Variants in ARID2 observed in about 807,000 individuals in gnomAD.
ARID2 encodes the protein AT-rich interaction domain 2.
A neutral mutation model predicts 184.6 loss-of-function variants in ARID2; 32 were observed. The ratio of observed to expected loss-of-function variants is 0.17; its 90% CI spans 0.13 to 0.23. ARID2 has a LOEUF of 0.23. Ranked by LOEUF, ARID2 falls within the 10% of genes least tolerant of loss-of-function variation. ARID2 has a pLI of 1.00. For synonymous variants in ARID2, 836 were observed against 772.6 expected, an observed-to-expected ratio of 1.08 and a Z score of -1.36; for missense variants, 1,696 against 2,197.6, an observed-to-expected ratio of 0.77 and a Z score of 4.56.
intron 11 of ARID2, among the ~76,000 whole-genome samples, chr12:45,845,159 A>T (rs1247846293): frequency 6.6e-6 from 1 of 152,142 alleles, no homozygotes; most frequent in Non-Finnish European, 1.5e-5. Context: ...TCATGATTTC[A>T]ACGTAATTTC....
intron 20 of ARID2, among the ~76,000 whole-genome samples, chr12:45,900,542 T>C (rs1944444365): frequency 6.6e-6 from 1 of 152,202 alleles, no homozygotes; most frequent in Non-Finnish European, 1.5e-5. Flanking sequence ...TTTAGAATAT[T>C]TTTTTCCTTG....
At chr12:45,771,030 C>T (rs1263213567) in intron 3 of ARID2, among the ~76,000 whole-genome samples, 2 of 151,978 alleles carry the variant, frequency 1.3e-5, no homozygotes, top group African/African-American at 4.8e-5. Flanking sequence ...TGAAAGCCGG[C>T]GATCCCACAT....
intron 16 of ARID2, among the ~76,000 whole-genome samples, chr12:45,863,442 T>TG: frequency 6.6e-6 from 1 of 152,306 alleles, no homozygotes; most frequent in East Asian, 1.9e-4. Flanking sequence ...AACTTTATGC[T>TG]GGGCATGGTG....
intron 8 of ARID2, 65 bp downstream of exon 8, chr12:45,837,056 G>C (rs557161015): frequency 1.3e-6 from 2 of 1,544,256 alleles, no homozygotes; most frequent in African/African-American, 2.8e-5. Context: ...ACAATTTTAG[G>C]ATGTGGCATT....
chr12:45,789,884 A>AGATG (rs1942263933), intron 3 of ARID2, among the ~76,000 whole-genome samples: 1 of 152,186 alleles, frequency 6.6e-6, no homozygotes, highest in Admixed American at 6.5e-5. Context: ...TTGGATGCCG[A>AGATG]GATGGGAGGG....
intron 6 of ARID2, among the ~76,000 whole-genome samples, chr12:45,823,318 G>T (rs890604392): frequency 6.6e-6 from 1 of 152,014 alleles, no homozygotes; most frequent in East Asian, 1.9e-4. Context: ...TAAGAGGGAA[G>T]CTTATAGCAA....
chr12:45,823,040 A>T (rs1942927932), intron 6 of ARID2, among the ~76,000 whole-genome samples: 1 of 152,124 alleles, frequency 6.6e-6, no homozygotes, highest in East Asian at 1.9e-4. Flanking sequence ...AGCACATGGA[A>T]CAGTCTCTGG....
rs543860391 is a variant in ARID2 at position 45,887,249 on chromosome 12, A to AAT, written c.4923-4520_4923-4519dup. On this transcript the variant is annotated intron_variant, in intron 16 of 20. Transcript: ENST00000334344. ...AATTATAGTGATGATGTAACTGAAA[A>AAT]ATATATATATATTTTAAATCGCCAG... 4.5e-3 allele frequency among the ~76,000 whole-genome samples: 687 copies of AAT among 152,212 alleles called. 2 individuals are homozygous for AAT. Among genetic ancestry groups the AAT allele is most frequent in the African/African-American group, 0.015 (643 of 41,528 alleles).
At chr12:45,884,907 C>T (rs937489123) in intron 16 of ARID2, among the ~76,000 whole-genome samples, 25 of 152,130 alleles carry the variant, frequency 1.6e-4, no homozygotes, top group African/African-American at 4.1e-4. Context: ...TCTGGATTGA[C>T]GGTAGCACAG....
intron 4 of ARID2, among the ~76,000 whole-genome samples, chr12:45,815,617 G>A (rs1942790969): frequency 1.3e-5 from 2 of 152,072 alleles, no homozygotes; most frequent in South Asian, 2.1e-4. Context: ...GTGTGTGTGT[G>A]TGTGTTTTTA....
intron 10 of ARID2, among the ~76,000 whole-genome samples, chr12:45,838,778 T>G (rs1232196154): frequency 1.3e-5 from 2 of 150,876 alleles, no homozygotes; most frequent in African/African-American, 4.9e-5. Context: ...AAAAAATATA[T>G]AGATAGATAG....
chr12:45,907,298 G>A lies in ARID2; in HGVS notation c.*2220G>A, dbSNP rs15852. On this transcript the variant is annotated 3_prime_UTR_variant, in exon 21 of 21. Coordinates refer to ENST00000334344, the MANE Select transcript of ARID2 (RefSeq NM_152641.4). ...TTAAAAAGTAAATTTGTGCAACAACGTTTATTTGAAAGATAATGTCTTCTC... is the reference window on the plus strand; with the variant it reads ...TTAAAAAGTAAATTTGTGCAACAACATTTATTTGAAAGATAATGTCTTCTC... The A allele has an allele frequency of 0.069, 16,102 of 232,718 alleles. 2,500 individuals are homozygous for A. The highest frequency in any genetic ancestry group is 0.32 in the African/African-American group (14,699 of 45,362). The allele number at this position is 232,718 out of a possible 1,614,324, so 14.4% of individuals were successfully genotyped here.
intron 16 of ARID2, among the ~76,000 whole-genome samples, chr12:45,868,019 T>C (rs551822691): frequency 1.3e-5 from 2 of 152,248 alleles, no homozygotes; most frequent in Non-Finnish European, 2.9e-5. Context: ...AGCTCCTGTT[T>C]TAATTTTTAT....
intron 3 of ARID2, among the ~76,000 whole-genome samples, chr12:45,741,368 T>G (rs1565578682): frequency 6.6e-6 from 1 of 152,094 alleles, no homozygotes; most frequent in Non-Finnish European, 1.5e-5. Context: ...CAGCTAGTTT[T>G]TTGTAGTTTT....
intron 12 of ARID2, among the ~76,000 whole-genome samples, chr12:45,847,623 C>T (rs1188338373): frequency 6.6e-6 from 1 of 152,038 alleles, no homozygotes. Context: ...AATCACTTTC[C>T]AATGATATAT....
rs777408532 is a variant in ARID2 at position 45,850,838 on chromosome 12, A to C, written c.2715A>C (p.Gln905His). The change falls in exon 15 of 21, where the codon CAA becomes CAC. Residue 905 changes from glutamine to histidine, a missense_variant. Physicochemically the swap from Gln to His is conservative, Grantham distance 24. Around this residue, in one of 11 missense-constraint regions of ARID2, gnomAD observed 713 missense variants for 824.4 expected, o/e 0.86. Transcript: ENST00000334344. Reference protein sequence around the residue: ...NIAPKPLPSQQVSSTVVQQPI... With the variant: ...NIAPKPLPSQHVSSTVVQQPI... The stretch of plus-strand genomic sequence containing the variant: ...CACCAAAACCTCTCCCTTCTCAGCA[A>C]GTTTCATCTACAGTGGTACAGCAGC... 8 of 1,614,020 alleles carry C rather than the reference A, an allele frequency of 5.0e-6. No homozygotes were observed. In the South Asian group the frequency reaches 7.7e-5, roughly 16 times the overall value.
chr12:45,790,022 G>A (rs779130023), intron 3 of ARID2, among the ~76,000 whole-genome samples: 7 of 152,046 alleles, frequency 4.6e-5, no homozygotes, highest in Non-Finnish European at 7.4e-5. Context: ...TATGTGATTC[G>A]AATGGAAATG....
intron 20 of ARID2, among the ~76,000 whole-genome samples, chr12:45,895,785 G>A (rs1190999254): frequency 1.3e-5 from 2 of 152,064 alleles, no homozygotes; most frequent in African/African-American, 2.4e-5. Context: ...CACCTGCCTC[G>A]GCCTCCCAAA....
intron 20 of ARID2, among the ~76,000 whole-genome samples, chr12:45,900,539 TA>T (rs1944444335): frequency 1.3e-5 from 2 of 152,234 alleles, no homozygotes; most frequent in African/African-American, 2.4e-5. Flanking sequence ...ATTTTTAGAA[TA>T]TTTTTTTCCT....
Sources: gnomAD v4.1 joint callset for allele counts (sites outside exome capture counted in the v4.1 genomes callset) on GRCh38, gnomAD v4.1.1 for gene constraint, gnomAD v4.1.1 regional missense constraint, MANE v1.5 for transcripts, NCBI Gene and HGNC (gene_info 2026-07-23, HGNC 2026-07-21) for gene names.